CADM1: variants seen among roughly 807,000 people sequenced by gnomAD.
CADM1 encodes the protein cell adhesion molecule 1.
Under a neutral mutation model 53.1 loss-of-function variants are expected in CADM1, and 15 were observed. That is an observed-to-expected ratio of 0.28 (90% CI 0.19 to 0.44). CADM1 has a LOEUF of 0.44. Ranked by LOEUF, CADM1 falls within the 20% of genes least tolerant of loss-of-function variation. CADM1 has a pLI of 1.00. For synonymous variants in CADM1, 281 were observed against 243.0 expected (o/e 1.16, Z -1.45); for missense variants, 434 against 611.3 (o/e 0.71, Z 3.06).
rs1202102477 is a variant in CADM1, at chr11:115,169,563, T to C, written c.*6911A>G. The C allele has an allele frequency of 4.4e-6, 2 of 456,090 alleles. No homozygotes were observed. Among genetic ancestry groups the C allele is most frequent in the African/African-American group, 4.0e-5 (2 of 50,048 alleles). The allele number at this position is 456,090 out of a possible 1,614,324, so 28.3% of individuals were successfully genotyped here. On this transcript the variant is annotated 3_prime_UTR_variant, in exon 12 of 12. Coordinates refer to ENST00000331581, the MANE Select transcript of CADM1 (RefSeq NM_001301043.2). ...CCAAACGATAAAAGATTCATGTTCC[T>C]AATTGCAACACTATAGCTGCCCTCA...
At chr11:115,483,313 A>G (rs186905346) in intron 1 of CADM1, among the ~76,000 whole-genome samples, 12 of 152,216 alleles carry the variant, frequency 7.9e-5, no homozygotes, top group Non-Finnish European at 1.3e-4. Flanking sequence ...TAAAATGAAT[A>G]ATGTTTTTTT....
intron 1 of CADM1, among the ~76,000 whole-genome samples, chr11:115,262,794 C>CT (rs113040150): frequency 2.6e-3 from 383 of 145,786 alleles, no homozygotes; most frequent in African/African-American, 8.0e-3. Flanking sequence ...CTTGATGGGT[C>CT]TTTTTTTTTT....
At chr11:115,244,085 A>G (rs991756316) in intron 1 of CADM1, among the ~76,000 whole-genome samples, 1 of 152,238 alleles carries the variant, frequency 6.6e-6, no homozygotes, top group African/African-American at 2.4e-5. Flanking sequence ...GACGATTCCT[A>G]AAAATAAAAC....
chr11:115,262,132 T>A (rs532210873), intron 1 of CADM1, among the ~76,000 whole-genome samples: 19 of 151,568 alleles, frequency 1.3e-4, no homozygotes, highest in Admixed American at 4.6e-4. Flanking sequence ...TGTGTCACAC[T>A]TTTTTTGTCT....
At chr11:115,448,270 A>G (rs1010307463) in intron 1 of CADM1, among the ~76,000 whole-genome samples, 4 of 152,172 alleles carry the variant, frequency 2.6e-5, no homozygotes, top group African/African-American at 9.7e-5. Flanking sequence ...CAAAATTCCT[A>G]TATGGTATAA....
intron 1 of CADM1, among the ~76,000 whole-genome samples, chr11:115,326,154 C>T (rs548568999): frequency 2.6e-5 from 4 of 152,218 alleles, no homozygotes; most frequent in East Asian, 1.9e-4. Context: ...TATGAACCAA[C>T]GGAGCTGTTC....
At chr11:115,369,272 A>T (rs964943437) in intron 1 of CADM1, among the ~76,000 whole-genome samples, 1 of 152,050 alleles carries the variant, frequency 6.6e-6, no homozygotes, top group Non-Finnish European at 1.5e-5. Flanking sequence ...ACCTTCATAT[A>T]TTTCTTATGG....
At chr11:115,440,937 CCTAA>C (rs1948295543) in intron 1 of CADM1, among the ~76,000 whole-genome samples, 1 of 152,004 alleles carries the variant, frequency 6.6e-6, no homozygotes, top group Non-Finnish European at 1.5e-5. Flanking sequence ...CATCACCACA[CCTAA>C]CTAATTTTTT....
At chr11:115,285,884 A>G (rs946599932) in intron 1 of CADM1, among the ~76,000 whole-genome samples, 2 of 152,164 alleles carry the variant, frequency 1.3e-5, no homozygotes, top group Admixed American at 6.5e-5. Context: ...AAACCTTGGC[A>G]CTCAATATCA....
At chr11:115,250,638 G>C (rs1280113589) in intron 1 of CADM1, among the ~76,000 whole-genome samples, 1 of 152,152 alleles carries the variant, frequency 6.6e-6, no homozygotes, top group Non-Finnish European at 1.5e-5. Flanking sequence ...TCTGGAGGAG[G>C]ATATTCTTTT....
intron 1 of CADM1, among the ~76,000 whole-genome samples, chr11:115,270,108 G>A (rs758626594): frequency 2.0e-5 from 3 of 152,124 alleles, no homozygotes; most frequent in Non-Finnish European, 4.4e-5. Flanking sequence ...AGCACAGCAG[G>A]CCAGTATGAC....
chr11:115,256,958 G>A, intron 1 of CADM1: 1 of 453,944 alleles, frequency 2.2e-6, no homozygotes, highest in Non-Finnish European at 4.4e-6. Flanking sequence ...AAGTCGTTAG[G>A]TTTATGGGCA....
At chr11:115,415,743 G>A (rs148596879) in intron 1 of CADM1, among the ~76,000 whole-genome samples, 1 of 147,604 alleles carries the variant, frequency 6.8e-6, no homozygotes, top group East Asian at 2.0e-4. Flanking sequence ...GGCTGAGGCA[G>A]GAGAATCACT....
At position 115,209,589 on chromosome 11, in the gene CADM1, G is replaced by GGATGGTGGTGGTGGTGGTGGT; in HGVS notation, c.1042_1062dup (p.Thr348_Ile354dup). The GGATGGTGGTGGTGGTGGTGGT allele has an allele frequency of 6.2e-7, 1 of 1,610,262 alleles. No individual in the cohort carries two copies. Among genetic ancestry groups the GGATGGTGGTGGTGGTGGTGGT allele is most frequent in the East Asian group, 2.2e-5 (1 of 44,750 alleles). ...GATACCATACCTGTGATGATGGTAA[G>GGATGGTGGTGGTGGTGGTGGT]GATGGTGGTGGTGGTGGTGGTGGTG... On this transcript the variant is annotated inframe_insertion, in exon 8 of 12. Coordinates refer to ENST00000331581, the MANE Select transcript of CADM1 (RefSeq NM_001301043.2).
intron 1 of CADM1, among the ~76,000 whole-genome samples, chr11:115,448,081 C>T (rs551803950): frequency 2.3e-4 from 35 of 152,258 alleles, no homozygotes; most frequent in East Asian, 3.9e-4. Context: ...GTTCCTCTCT[C>T]GACTGCACAC....
intron 9 of CADM1, 114 bp downstream of exon 9, chr11:115,198,292 G>A: frequency 1.3e-6 from 1 of 762,966 alleles, no homozygotes. Flanking sequence ...ATATTTATGA[G>A]GTCAGTCTAC....
At chr11:115,477,814 AACAC>A (rs1314176510) in intron 1 of CADM1, among the ~76,000 whole-genome samples, 1 of 152,270 alleles carries the variant, frequency 6.6e-6, no homozygotes, top group Non-Finnish European at 1.5e-5. Flanking sequence ...CCTGGGACCA[AACAC>A]ACACAAACAC....
At chr11:115,439,201 C>T (rs1948252624) in intron 1 of CADM1, among the ~76,000 whole-genome samples, 1 of 152,124 alleles carries the variant, frequency 6.6e-6, no homozygotes, top group African/African-American at 2.4e-5. Flanking sequence ...TCCATTACCA[C>T]CAAAGAGAAA....
chr11:115,338,868 ATTTTTTTTATTTTTT>A, intron 1 of CADM1, among the ~76,000 whole-genome samples: 1 of 114,546 alleles, frequency 8.7e-6, no homozygotes. Flanking sequence ...ACCTTCTTTT[ATTTTTTTTATTTTTT>A]TTTTTTTAAT....
Sources: gnomAD v4.1 joint callset for allele counts (sites outside exome capture counted in the v4.1 genomes callset) on GRCh38, gnomAD v4.1.1 for gene constraint, MANE v1.5 for transcripts, NCBI Gene and HGNC (gene_info 2026-07-23, HGNC 2026-07-21) for gene names.